Variants in PGM1 observed in about 807,000 individuals in gnomAD.
PGM1 encodes phosphoglucomutase-1.
PGM1 carries 52 observed loss-of-function variants against 55.6 expected under a neutral mutation model. The ratio of observed to expected loss-of-function variants is 0.94; its 90% CI spans 0.75 to 1.18. The LOEUF is 1.18. Ranked by LOEUF, PGM1 falls within the 50% of genes most tolerant of loss-of-function variation. The pLI is 0.00. For synonymous variants in PGM1, 287 were observed against 271.7 expected (o/e 1.06, Z -0.55); for missense variants, 724 against 729.3 (o/e 0.99, Z 0.08).
chr1:63,633,950 T>TA (rs1649291455), intron 4 of PGM1, among the ~76,000 whole-genome samples: 1 of 131,786 alleles, frequency 7.6e-6, no homozygotes, highest in African/African-American at 2.9e-5. Context: ...TTTTTTTTTT[T>TA]TTTTTTTTTT....
chr1:63,593,968 G>A (rs926715232), intron 1 of PGM1: 1 of 1,197,842 alleles, frequency 8.3e-7, no homozygotes, highest in Non-Finnish European at 1.0e-6. Flanking sequence ...TGACTCCCGG[G>A]GCGCCGGGAG....
chr1:63,651,669 G>A lies in PGM1; in HGVS notation c.1281G>A (p.Arg427=), dbSNP rs1267460566. The A allele has an allele frequency of 6.2e-7, 1 of 1,613,470 alleles. No homozygotes were observed. Among genetic ancestry groups the A allele is most frequent in the Non-Finnish European group, 8.5e-7 (1 of 1,179,594 alleles). The change falls in exon 9 of 11, where the codon AGG becomes AGA. Residue 427 remains arginine (R), a splice_region_variant and synonymous_variant. Transcript: ENST00000371084. ...GCCTCAACTTCGTGACTTCTTCCAG[G>A]TATGATTACGAGGAGGTGGAAGCTG... ...WQKYGRNFFT[R]YDYEEVEAEG...
intron 1 of PGM1, 51 bp downstream of exon 1, chr1:63,593,785 G>T (rs564511247): frequency 6.3e-5 from 95 of 1,509,916 alleles, no homozygotes; most frequent in Non-Finnish European, 8.0e-5. Context: ...CGTGTGCGAC[G>T]TGCGGCCCGC....
At chr1:63,598,083 A>G (rs1445967698) in intron 1 of PGM1, among the ~76,000 whole-genome samples, 1 of 152,028 alleles carries the variant, frequency 6.6e-6, no homozygotes, top group Non-Finnish European at 1.5e-5. Flanking sequence ...TGATTCTCCC[A>G]CCTCAGCCTC....
rs541571013 is a variant in PGM1 at position 63,636,485 on chromosome 1, C to T, written c.1028+97C>T. The T allele has an allele frequency of 4.0e-5, 49 of 1,229,748 alleles. No individual in the cohort carries two copies. In the South Asian group the frequency reaches 5.9e-4, roughly 15 times the overall value. 76.2% of individuals were successfully genotyped at this position (1,229,748 alleles called of 1,614,324 possible). ...TGGAACACGTGTCCTTCCCTTTCAG[C>T]ATGGGCATCTGATGCATAGAGTGTG... is the stretch of plus-strand genomic sequence containing the variant. On this transcript the variant is annotated intron_variant, in intron 6 of 10. Transcript: ENST00000371084.
chr1:63,616,403 C>T (rs1181622278), intron 1 of PGM1, among the ~76,000 whole-genome samples: 1 of 152,150 alleles, frequency 6.6e-6, no homozygotes, highest in Admixed American at 6.5e-5. Context: ...TTCAGAATGG[C>T]AATTATGCAG....
At chr1:63,599,172 CTT>C (rs1553177434) in intron 1 of PGM1, among the ~76,000 whole-genome samples, 1 of 149,142 alleles carries the variant, frequency 6.7e-6, no homozygotes, top group Non-Finnish European at 1.5e-5. Context: ...CTTCAAGTCA[CTT>C]TTTTTTTTGA....
At chr1:63,654,923 AAC>A (rs893606641) in intron 10 of PGM1, among the ~76,000 whole-genome samples, 1 of 151,930 alleles carries the variant, frequency 6.6e-6, no homozygotes, top group African/African-American at 2.4e-5. Flanking sequence ...AAAGTTAAGC[AAC>A]AGTTAATAGG....
At chr1:63,645,981 G>A (rs1189919035) in intron 7 of PGM1, among the ~76,000 whole-genome samples, 1 of 152,172 alleles carries the variant, frequency 6.6e-6, no homozygotes, top group East Asian at 1.9e-4. Flanking sequence ...CGAGGAGGCT[G>A]ATGCCACCCC....
intron 1 of PGM1, chr1:63,594,080 C>T: frequency 3.8e-6 from 4 of 1,051,814 alleles, no homozygotes; most frequent in Non-Finnish European, 4.6e-6. Flanking sequence ...CTGACATTTG[C>T]CCTAACCTTG....
intron 6 of PGM1, 47 bp from the exon 7 acceptor site, chr1:63,638,633 GGCCAC>G: frequency 8.4e-7 from 1 of 1,197,414 alleles, no homozygotes; most frequent in Non-Finnish European, 1.3e-6. Flanking sequence ...TCCCTCACAT[GGCCAC>G]GCTAACAGTC....
At chr1:63,653,097 G>A (rs1437810591) in intron 9 of PGM1, among the ~76,000 whole-genome samples, 2 of 152,208 alleles carry the variant, frequency 1.3e-5, no homozygotes, top group Admixed American at 6.5e-5. Flanking sequence ...GAGAAGAGGT[G>A]TAAAGGTGTG....
chr1:63,605,467 G>A (rs903702668), intron 1 of PGM1, among the ~76,000 whole-genome samples: 9 of 152,188 alleles, frequency 5.9e-5, no homozygotes, highest in African/African-American at 2.2e-4. Flanking sequence ...CCTTGAGACA[G>A]GTGGAAAAGA....
intron 1 of PGM1, among the ~76,000 whole-genome samples, chr1:63,613,817 C>CT (rs1220609534): frequency 6.6e-6 from 1 of 150,754 alleles, no homozygotes; most frequent in Non-Finnish European, 1.5e-5. Flanking sequence ...AGCACATATA[C>CT]TTTGCACTTG....
At chr1:63,617,889 T>C (rs1006248463) in intron 1 of PGM1, among the ~76,000 whole-genome samples, 1 of 151,944 alleles carries the variant, frequency 6.6e-6, no homozygotes, top group Non-Finnish European at 1.5e-5. Flanking sequence ...GTTTTTTTTT[T>C]ACAAACTCAT....
intron 6 of PGM1, among the ~76,000 whole-genome samples, 175 bp downstream of exon 6, chr1:63,636,563 C>T (rs1292281420): frequency 6.6e-6 from 1 of 152,190 alleles, no homozygotes; most frequent in African/African-American, 2.4e-5. Flanking sequence ...TTCAATGCCC[C>T]TCTCCGCACT....
chr1:63,654,606 C>T lies in PGM1; in HGVS notation c.1599+140C>T, dbSNP rs958154720. On this transcript the variant is annotated intron_variant, in intron 10 of 10. Transcript: ENST00000371084. ...TGCTTACTTTCTTCCATGTTTCTTTCTCCATGTCAACATTATAGATAATAA... is the reference window on the plus strand; with the variant it reads ...TGCTTACTTTCTTCCATGTTTCTTTTTCCATGTCAACATTATAGATAATAA... The T allele has an allele frequency of 5.2e-6, 4 of 773,190 alleles. No homozygotes were observed. In the African/African-American group the frequency reaches 5.3e-5, roughly 10 times the overall value. The allele number at this position is 773,190 out of a possible 1,614,324, so 47.9% of individuals were successfully genotyped here.
intron 10 of PGM1, among the ~76,000 whole-genome samples, chr1:63,656,608 A>G (rs72922653): frequency 3.9e-5 from 4 of 103,742 alleles, no homozygotes; most frequent in East Asian, 2.5e-4. Context: ...GTGTGTGTGT[A>G]TACCACAATG....
chr1:63,622,489 T>C (rs1289503743), intron 1 of PGM1, among the ~76,000 whole-genome samples: 1 of 152,244 alleles, frequency 6.6e-6, no homozygotes, highest in Admixed American at 6.5e-5. Flanking sequence ...AAAAGTCAAG[T>C]ATGCTTAAAA....
Sources: gnomAD v4.1 joint callset for allele counts (sites outside exome capture counted in the v4.1 genomes callset) on GRCh38, gnomAD v4.1.1 for gene constraint, MANE v1.5 for transcripts, NCBI Gene and HGNC (gene_info 2026-07-23, HGNC 2026-07-21) for gene names.